Variants in ATP2B4 observed in about 807,000 individuals in gnomAD.
ATP2B4 encodes the protein plasma membrane calcium-transporting ATPase 4.
A neutral mutation model predicts 110.3 loss-of-function variants in ATP2B4; 39 were observed. That is an observed-to-expected ratio of 0.35 (90% CI 0.27 to 0.46). ATP2B4 has a LOEUF of 0.46. Among genes scored for constraint, ATP2B4 ranks in the 20% least tolerant of loss-of-function variants. The pLI, the probability that ATP2B4 is intolerant of heterozygous loss-of-function variation, is 1.00. For synonymous variants in ATP2B4, 538 were observed against 571.7 expected, an observed-to-expected ratio of 0.94 and a Z score of 0.84; for missense variants, 1,135 against 1,530.9, an observed-to-expected ratio of 0.74 and a Z score of 4.32.
At chr1:203,735,051 CAT>C (rs1170485960) in intron 20 of ATP2B4, among the ~76,000 whole-genome samples, 2 of 142,688 alleles carry the variant, frequency 1.4e-5, no homozygotes, top group African/African-American at 5.2e-5. Context: ...AATTAGTTCA[CAT>C]GAAGGTACGA....
chr1:203,630,224 C>G (rs1215593205), intron 1 of ATP2B4, among the ~76,000 whole-genome samples: 1 of 152,142 alleles, frequency 6.6e-6, no homozygotes, highest in African/African-American at 2.4e-5. Context: ...TCCCACTAAC[C>G]GGAGGTCCCG....
chr1:203,656,448 C>T (rs899902171), intron 1 of ATP2B4, among the ~76,000 whole-genome samples: 4 of 152,152 alleles, frequency 2.6e-5, no homozygotes, highest in African/African-American at 7.2e-5. Flanking sequence ...AATGTGAATT[C>T]ACTAGACCTT....
chr1:203,725,747 C>A (rs1173908480), intron 19 of ATP2B4, among the ~76,000 whole-genome samples: 2 of 152,030 alleles, frequency 1.3e-5, no homozygotes, highest in African/African-American at 2.4e-5. Context: ...TGCAGATAAT[C>A]CCTTAGTGTC....
chr1:203,693,689 G>T (rs1407139429), intron 2 of ATP2B4, among the ~76,000 whole-genome samples: 1 of 152,164 alleles, frequency 6.6e-6, no homozygotes, highest in Non-Finnish European at 1.5e-5. Flanking sequence ...GAAGAAAAAA[G>T]ACAGGACTAA....
chr1:203,729,514 C>CA, intron 20 of ATP2B4: 5 of 400,248 alleles, frequency 1.2e-5, no homozygotes, highest in South Asian at 9.3e-5. Context: ...CATTACACAC[C>CA]AGCCTGGGCA....
intron 20 of ATP2B4, among the ~76,000 whole-genome samples, chr1:203,729,142 T>C (rs1451005480): frequency 2.6e-5 from 4 of 151,168 alleles, no homozygotes; most frequent in African/African-American, 9.7e-5. Context: ...AGAAAAGAAG[T>C]TCCCCAGTCA....
intron 14 of ATP2B4, among the ~76,000 whole-genome samples, chr1:203,713,819 A>G (rs1238249160): frequency 6.6e-6 from 1 of 152,180 alleles, no homozygotes; most frequent in African/African-American, 2.4e-5. Flanking sequence ...AGTACTGTGA[A>G]CTAGGCAGGG....
At chr1:203,717,904 A>G (rs1191866612) in intron 15 of ATP2B4, among the ~76,000 whole-genome samples, 2 of 152,032 alleles carry the variant, frequency 1.3e-5, no homozygotes, top group African/African-American at 4.8e-5. Context: ...TCAACCTCCC[A>G]AAGTGCTGTG....
At chr1:203,735,130 A>T (rs1291581933) in intron 20 of ATP2B4, among the ~76,000 whole-genome samples, 1 of 152,010 alleles carries the variant, frequency 6.6e-6, no homozygotes, top group African/African-American at 2.4e-5. Context: ...GTTTCTGAAG[A>T]GGAGTGCCTT....
At chr1:203,733,084 C>G in intron 20 of ATP2B4, 1 of 684,006 alleles carries the variant, frequency 1.5e-6, no homozygotes, top group Non-Finnish European at 2.2e-6. Flanking sequence ...GGGAAGCTCT[C>G]TCTTGCTCTC....
rs377180236 is a variant in ATP2B4, at chr1:203,683,415, G to A, written c.193+17G>A. 190 of 1,574,866 alleles carry A rather than the reference G, an allele frequency of 1.2e-4. No individual in the cohort carries two copies. Among genetic ancestry groups the A allele is most frequent in the Non-Finnish European group, 1.6e-4 (184 of 1,156,720 alleles). On this transcript the variant is annotated intron_variant, in intron 2 of 20. Coordinates refer to ENST00000357681, the MANE Select transcript of ATP2B4 (RefSeq NM_001684.5). ...CTGTGGAAGGTAAAGGCCATATCAG[G>A]GGTGGGGAGTTGGAGGAAGGTGGCT...
Position 203,722,703 on chromosome 1 carries a change from T to A in ATP2B4, c.3024+14T>A. On this transcript the variant is annotated intron_variant, in intron 18 of 20. Transcript: ENST00000357681. ...TTCATCTGCCAGGTGAGATTCTATC[T>A]GCAGTTGGGGCAGGAGATCTGGAAT... The A allele has an allele frequency of 6.2e-7, 1 of 1,612,802 alleles. No homozygotes were observed. The highest frequency in any genetic ancestry group is 8.5e-7 in the Non-Finnish European group (1 of 1,178,804).
intron 1 of ATP2B4, among the ~76,000 whole-genome samples, chr1:203,671,550 T>C (rs1664663071): frequency 6.6e-6 from 1 of 152,170 alleles, no homozygotes; most frequent in Non-Finnish European, 1.5e-5. Context: ...CAGAGGGCCA[T>C]AGTACTTCCA....
chr1:203,709,022 T>C (rs1665927307), intron 10 of ATP2B4, among the ~76,000 whole-genome samples: 1 of 152,104 alleles, frequency 6.6e-6, no homozygotes, highest in South Asian at 2.1e-4. Flanking sequence ...CTAGGCATGG[T>C]GGCAGGTACC....
intron 15 of ATP2B4, among the ~76,000 whole-genome samples, chr1:203,718,257 A>G (rs1666216891): frequency 6.7e-6 from 1 of 149,956 alleles, no homozygotes; most frequent in East Asian, 2.0e-4. Flanking sequence ...CTGATTTATA[A>G]CTTTCTAATT....
intron 20 of ATP2B4, among the ~76,000 whole-genome samples, chr1:203,737,088 C>T (rs998848318): frequency 3.3e-5 from 5 of 152,140 alleles, no homozygotes; most frequent in African/African-American, 9.7e-5. Flanking sequence ...TCCATCTACC[C>T]ATCCCCAATT....
rs189265891 is a variant in ATP2B4, at chr1:203,647,283, A to T, written c.-465+20064A>T. On this transcript the variant is annotated intron_variant, in intron 1 of 20. Transcript: ENST00000357681. ...GTCACTTAAAAAAATAAAAAATAAAAAAATTAGCCAGGTGTGGTGATGCAC... is the reference window on the plus strand; with the variant it reads ...GTCACTTAAAAAAATAAAAAATAAATAAATTAGCCAGGTGTGGTGATGCAC... 5.3e-5 allele frequency among the ~76,000 whole-genome samples: 8 copies of T among 152,166 alleles called. No individual in the cohort carries two copies. The East Asian group carries it at 1.5e-3, about 29-fold the overall frequency.
intron 1 of ATP2B4, among the ~76,000 whole-genome samples, chr1:203,655,569 C>G (rs1664135554): frequency 6.6e-6 from 1 of 151,986 alleles, no homozygotes. Context: ...TTGCTTGAAC[C>G]TGGGAGGTGG....
In ATP2B4 at chr1:203,683,832, C is replaced by G. The variant is rs1235231620; in HGVS notation, c.193+434C>G. Among the ~76,000 whole-genome samples, 10 of 151,990 alleles carry G rather than the reference C, an allele frequency of 6.6e-5. No individual in the cohort carries two copies. In the South Asian group the frequency reaches 2.1e-3, roughly 32 times the overall value. On this transcript the variant is annotated intron_variant, in intron 2 of 20. Transcript: ENST00000357681. Reference sequence around the variant, plus strand: ...AGGACCACAGGTGTGTGCCATCACACCCAGCTAGCTTTTTAGATTTTTTTG... The same window carrying G: ...AGGACCACAGGTGTGTGCCATCACAGCCAGCTAGCTTTTTAGATTTTTTTG...
Sources: gnomAD v4.1 joint callset for allele counts (sites outside exome capture counted in the v4.1 genomes callset) on GRCh38, gnomAD v4.1.1 for gene constraint, MANE v1.5 for transcripts, NCBI Gene and HGNC (gene_info 2026-07-23, HGNC 2026-07-21) for gene names.